ADAMTS19: variants seen among roughly 807,000 people sequenced by gnomAD.
ADAMTS19 encodes the protein A disintegrin and metalloproteinase with thrombospondin motifs 19.
Under a neutral mutation model 153.3 loss-of-function variants are expected in ADAMTS19, and 93 were observed. The observed-to-expected ratio is 0.61, with a 90% CI of 0.51 to 0.72. The LOEUF (loss-of-function observed/expected upper bound fraction) is 0.72. Among genes scored for constraint, ADAMTS19 ranks in the 30% least tolerant of loss-of-function variants. The pLI, the probability that ADAMTS19 is intolerant of heterozygous loss-of-function variation, is 0.00. For synonymous variants in ADAMTS19, 600 were observed against 556.6 expected, an observed-to-expected ratio of 1.08 and a Z score of -1.10; for missense variants, 1,482 against 1,552.1, an observed-to-expected ratio of 0.95 and a Z score of 0.76.
At chr5:129,632,104 C>T (rs187756601) in intron 10 of ADAMTS19, among the ~76,000 whole-genome samples, 2 of 152,154 alleles carry the variant, frequency 1.3e-5, no homozygotes, top group Non-Finnish European at 2.9e-5. Context: ...TCTGTTGCAA[C>T]TCAAATCTGC....
intron 9 of ADAMTS19, among the ~76,000 whole-genome samples, chr5:129,621,802 G>A (rs1407573214): frequency 1.3e-5 from 2 of 152,124 alleles, no homozygotes; most frequent in Admixed American, 6.5e-5. Context: ...TTCACCTGAG[G>A]ATGCTTTCCA....
chr5:129,559,059 A>G (rs925790718), intron 7 of ADAMTS19, among the ~76,000 whole-genome samples: 4 of 152,050 alleles, frequency 2.6e-5, no homozygotes, highest in Admixed American at 6.6e-5. Flanking sequence ...GGGAGAGGAT[A>G]CCATATTTCA....
At chr5:129,470,105 G>T (rs1005066505) in intron 2 of ADAMTS19, among the ~76,000 whole-genome samples, 2 of 152,106 alleles carry the variant, frequency 1.3e-5, no homozygotes, top group African/African-American at 4.8e-5. Flanking sequence ...TTTGTGAGAA[G>T]AAATTTTCTT....
intron 18 of ADAMTS19, 92 bp from the exon 19 acceptor site, chr5:129,694,628 T>TA: frequency 2.1e-6 from 2 of 970,618 alleles, no homozygotes; most frequent in Non-Finnish European, 2.7e-6. Context: ...GTTTTTTAAA[T>TA]AAAAAATAAG....
At chr5:129,588,807 G>A (rs74974625) in intron 7 of ADAMTS19, among the ~76,000 whole-genome samples, 7,369 of 151,684 alleles carry the variant, frequency 0.049, 564 homozygotes, top group African/African-American at 0.17. Context: ...AGATATATGG[G>A]AATTTTATTA....
At chr5:129,633,792 A>T (rs779296569) in intron 10 of ADAMTS19, among the ~76,000 whole-genome samples, 2 of 152,040 alleles carry the variant, frequency 1.3e-5, no homozygotes, top group Non-Finnish European at 2.9e-5. Flanking sequence ...TTTTTCTCTT[A>T]TCTGTGCTAT....
Position 129,701,604 on chromosome 5 carries a change from C to A in ADAMTS19, c.3159+12C>A, listed in dbSNP as rs553329651. 81 of 1,612,602 alleles carry A rather than the reference C, an allele frequency of 5.0e-5. 4 individuals are homozygous for A. The South Asian group carries it at 8.8e-4, about 18-fold the overall frequency. ...GAGTGTGGTCTGAGGTGCATACATGCCCCCTTTCTTTCCCCATTCCTACTC... is the reference window on the plus strand; with the variant it reads ...GAGTGTGGTCTGAGGTGCATACATGACCCCTTTCTTTCCCCATTCCTACTC... On this transcript the variant is annotated intron_variant, in intron 20 of 22. Transcript: ENST00000274487.
chr5:129,697,928 T>C (rs993997122), intron 19 of ADAMTS19, among the ~76,000 whole-genome samples: 10 of 152,254 alleles, frequency 6.6e-5, no homozygotes, highest in Non-Finnish European at 1.5e-4. Context: ...CTTTTTCTGA[T>C]ACATCAGGAA....
chr5:129,669,654 G>T (rs1349540260), intron 16 of ADAMTS19, among the ~76,000 whole-genome samples: 1 of 151,716 alleles, frequency 6.6e-6, no homozygotes, highest in Non-Finnish European at 1.5e-5. Flanking sequence ...ACTAGTTTGG[G>T]ATTCAGTTTG....
intron 7 of ADAMTS19, among the ~76,000 whole-genome samples, chr5:129,565,525 T>A (rs978677025): frequency 6.6e-6 from 1 of 152,156 alleles, no homozygotes. Context: ...TTTCCTCCAA[T>A]ATTTTGAAAC....
intron 1 of ADAMTS19, 105 bp downstream of exon 1, chr5:129,460,587 C>A: frequency 3.2e-6 from 4 of 1,259,712 alleles, no homozygotes; most frequent in Non-Finnish European, 4.6e-6. Flanking sequence ...GAGAGCAGGG[C>A]TCAGTGGGTA....
At chr5:129,679,519 G>C (rs1342156823) in intron 16 of ADAMTS19, among the ~76,000 whole-genome samples, 1 of 152,188 alleles carries the variant, frequency 6.6e-6, no homozygotes, top group Non-Finnish European at 1.5e-5. Context: ...AAGGTCCAAG[G>C]AGATTAGAGA....
At chr5:129,514,927 A>G (rs1156570402) in intron 3 of ADAMTS19, among the ~76,000 whole-genome samples, 1 of 152,118 alleles carries the variant, frequency 6.6e-6, no homozygotes, top group East Asian at 1.9e-4. Context: ...TTGAGGTGTT[A>G]GATTTAAATC....
In ADAMTS19 at chr5:129,737,938, G is replaced by A. The variant is rs768829381; in HGVS notation, c.*720G>A. The A allele has an allele frequency of 1.3e-5, 2 of 152,454 alleles. No homozygotes were observed. Among genetic ancestry groups the A allele is most frequent in the Non-Finnish European group, 1.5e-5 (1 of 67,964 alleles). The allele number at this position is 152,454 out of a possible 1,614,324, so 9.4% of individuals were successfully genotyped here. A position where few individuals can be genotyped will look rare whatever the true frequency, so the allele number is the denominator to read the frequency against. Reference sequence around the variant, plus strand: ...ACTGTTGATATAGTGTAGAGAAATCGTTAGAAATGGTGACATCTTACAAAA... The same window carrying A: ...ACTGTTGATATAGTGTAGAGAAATCATTAGAAATGGTGACATCTTACAAAA... On this transcript the variant is annotated 3_prime_UTR_variant, in exon 23 of 23. Transcript: ENST00000274487.
At chr5:129,702,960 A>G (rs1755976269) in intron 20 of ADAMTS19, among the ~76,000 whole-genome samples, 1 of 133,502 alleles carries the variant, frequency 7.5e-6, no homozygotes, top group Admixed American at 7.4e-5. Context: ...ATATATATAT[A>G]TATATATATA....
chr5:129,519,545 G>C (rs1561548184), intron 3 of ADAMTS19, among the ~76,000 whole-genome samples: 1 of 151,892 alleles, frequency 6.6e-6, no homozygotes, highest in Non-Finnish European at 1.5e-5. Context: ...AAGAGTTGCA[G>C]TCCTTATGGC....
At chr5:129,472,948 T>A (rs1288879008) in intron 2 of ADAMTS19, among the ~76,000 whole-genome samples, 2 of 151,826 alleles carry the variant, frequency 1.3e-5, no homozygotes, top group Non-Finnish European at 2.9e-5. Flanking sequence ...CACATTGTAG[T>A]GGGATATTAG....
intron 2 of ADAMTS19, 104 bp from the exon 3 acceptor site, chr5:129,508,973 T>C: frequency 1.1e-6 from 1 of 913,168 alleles, no homozygotes; most frequent in Non-Finnish European, 1.6e-6. Context: ...ACTAGAAGAC[T>C]GTATGCATGT....
At chr5:129,468,254 CAGGAGAGT>C (rs1350289647) in intron 2 of ADAMTS19, among the ~76,000 whole-genome samples, 4 of 152,094 alleles carry the variant, frequency 2.6e-5, no homozygotes, top group Non-Finnish European at 5.9e-5. Context: ...AGTCTCAGAC[CAGGAGAGT>C]AGGAGAGTTT....
Sources: allele counts gnomAD v4.1 joint callset (sites outside exome capture counted in the v4.1 genomes callset), GRCh38; gene constraint gnomAD v4.1.1; transcripts MANE v1.5; gene names NCBI Gene and HGNC (gene_info 2026-07-23, HGNC 2026-07-21).